CEP128: variants seen among roughly 807,000 people sequenced by gnomAD.
CEP128 encodes the protein centrosomal protein 128, also known as centrosomal protein 128kDa.
A neutral mutation model predicts 156.7 loss-of-function variants in CEP128; 132 were observed. The observed-to-expected ratio is 0.84, with a 90% confidence interval of 0.73 to 0.97. The LOEUF (loss-of-function observed/expected upper bound fraction) is 0.97. Ranked by LOEUF, CEP128 falls within the 50% of genes least tolerant of loss-of-function variation. The pLI is 0.00. For missense variants in CEP128, 1,252 were observed against 1,281.9 expected (o/e 0.98, Z 0.36); for synonymous variants, 469 against 448.9 (o/e 1.04, Z -0.57).
chr14:80,536,725 C>T (rs1889500474), intron 21 of CEP128, among the ~76,000 whole-genome samples: 2 of 152,152 alleles, frequency 1.3e-5, no homozygotes, highest in South Asian at 4.1e-4. Flanking sequence ...TGGAACCACA[C>T]CAAACAGTAG....
At chr14:80,911,701 G>A (rs1335793405) in intron 4 of CEP128, among the ~76,000 whole-genome samples, 2 of 152,114 alleles carry the variant, frequency 1.3e-5, no homozygotes, top group Non-Finnish European at 2.9e-5. Context: ...GATGATCTAT[G>A]TAAAATAATT....
chr14:80,956,042 A>G lies in CEP128; in HGVS notation c.-172+2136T>C, dbSNP rs951230656. The stretch of plus-strand genomic sequence containing the variant: ...AATCGCCCACACTTGGGAAGGTATC[A>G]TTGTTGACATCCTCATTCCCAACAC... On this transcript the variant is annotated intron_variant, in intron 2 of 7. Coordinates refer to the CEP128 transcript ENST00000555529. 1.1e-4 allele frequency: 75 copies of G among 674,512 alleles called. No homozygotes were observed. In the Middle Eastern group the frequency reaches 1.6e-3, roughly 14 times the overall value. 41.8% of individuals were successfully genotyped at this position (674,512 alleles called of 1,614,324 possible).
chr14:80,493,991 G>A (rs1456103975), downstream of CEP128, among the ~76,000 whole-genome samples: 1 of 152,134 alleles, frequency 6.6e-6, no homozygotes, highest in Non-Finnish European at 1.5e-5. Flanking sequence ...GCTTTTCCAT[G>A]TAAGCATTTC....
chr14:80,661,440 G>C (rs1484223468), intron 19 of CEP128, among the ~76,000 whole-genome samples: 1 of 152,136 alleles, frequency 6.6e-6, no homozygotes, highest in African/African-American at 2.4e-5. Context: ...CTTAGGTAAT[G>C]AATCTTTTTA....
intron 23 of CEP128, among the ~76,000 whole-genome samples, chr14:80,525,036 T>C (rs919091148): frequency 6.6e-6 from 1 of 152,184 alleles, no homozygotes; most frequent in Admixed American, 6.5e-5. Context: ...CATTGATTTA[T>C]AGCAATTTGG....
chr14:80,552,200 T>C (rs564720860), intron 21 of CEP128, among the ~76,000 whole-genome samples: 1 of 152,160 alleles, frequency 6.6e-6, no homozygotes, highest in African/African-American at 2.4e-5. Context: ...TCCCAGCTAC[T>C]TGGGAGGCTG....
chr14:80,909,171 C>T (rs1211809517), intron 4 of CEP128, among the ~76,000 whole-genome samples: 1 of 152,018 alleles, frequency 6.6e-6, no homozygotes, highest in Non-Finnish European at 1.5e-5. Flanking sequence ...TTCCTCACTG[C>T]CTTAGTAGTT....
intron 2 of CEP128, among the ~76,000 whole-genome samples, chr14:80,923,432 G>A (rs1468201608): frequency 2.0e-5 from 3 of 152,194 alleles, no homozygotes; most frequent in African/African-American, 7.2e-5. Flanking sequence ...TTATAATGAT[G>A]CACATTTGTA....
intron 18 of CEP128, among the ~76,000 whole-genome samples, chr14:80,743,500 C>A (rs1420966110): frequency 6.6e-6 from 1 of 152,060 alleles, no homozygotes; most frequent in African/African-American, 2.4e-5. Flanking sequence ...TTTGTGTCAT[C>A]TTTAGAAAGA....
At chr14:80,826,105 C>CAAAAAA (rs397700906) in intron 13 of CEP128, among the ~76,000 whole-genome samples, 1 of 70,490 alleles carries the variant, frequency 1.4e-5, no homozygotes, top group Non-Finnish European at 3.0e-5. Flanking sequence ...GATTCTGTCT[C>CAAAAAA]AAAAAAAAAA....
upstream of CEP128, among the ~76,000 whole-genome samples, chr14:80,946,329 TGA>T (rs1886343194): frequency 1.5e-5 from 1 of 65,402 alleles, no homozygotes; most frequent in African/African-American, 5.9e-5. Context: ...TGATGCATCA[TGA>T]TGATGCCTCA....
intron 21 of CEP128, among the ~76,000 whole-genome samples, chr14:80,548,269 T>C (rs1175185647): frequency 2.6e-5 from 4 of 152,170 alleles, no homozygotes; most frequent in Admixed American, 6.5e-5. Context: ...CTATTTTTTC[T>C]CATATCACTT....
chr14:80,880,483 CA>C (rs1009117525), intron 8 of CEP128, among the ~76,000 whole-genome samples: 4 of 151,702 alleles, frequency 2.6e-5, no homozygotes, highest in Non-Finnish European at 5.9e-5. Context: ...AACAATCAGA[CA>C]AAAAAAGAAA....
At chr14:80,562,093 A>AT (rs1890707703) in intron 20 of CEP128, among the ~76,000 whole-genome samples, 5 of 99,502 alleles carry the variant, frequency 5.0e-5, no homozygotes, top group Admixed American at 3.6e-4. Flanking sequence ...ACATCCGGCT[A>AT]ATTTTTTTAT....
At chr14:80,770,651 G>A (rs1199328996) in intron 16 of CEP128, among the ~76,000 whole-genome samples, 2 of 152,038 alleles carry the variant, frequency 1.3e-5, no homozygotes, top group Non-Finnish European at 2.9e-5. Context: ...AAGAAGATGG[G>A]AATCTTACAG....
Position 80,836,224 on chromosome 14 carries a change from C to G in CEP128, c.1038G>C (p.Glu346Asp), listed in dbSNP as rs773762234. ...QQSNYQDEQG[E>D]DWRFRRGVER... is the part of the protein sequence containing the mutation. The stretch of plus-strand genomic sequence containing the variant: ...TTTTACCTCTCCTAAATCTCCAGTC[C>G]TCCCCTTGTTCATCCTGATAGTTTG... The change falls in exon 12 of 25, where the codon GAG (glutamate) becomes GAC (aspartate). Residue 346 changes from glutamate (E) to aspartate (D), a missense_variant. Coordinates refer to ENST00000555265, the MANE Select transcript of CEP128 (RefSeq NM_152446.5). 2.4e-5 allele frequency: 38 copies of G among 1,613,972 alleles called. No individual in the cohort carries two copies. The highest frequency in any genetic ancestry group is 3.2e-5 in the Non-Finnish European group (38 of 1,179,866).
chr14:80,633,845 T>C (rs1031892508), intron 19 of CEP128, among the ~76,000 whole-genome samples: 7 of 152,200 alleles, frequency 4.6e-5, no homozygotes, highest in Non-Finnish European at 7.3e-5. Flanking sequence ...CCATCCATTC[T>C]TGGTATTAAA....
chr14:80,539,511 T>A (rs1889642940), intron 21 of CEP128, among the ~76,000 whole-genome samples: 1 of 152,214 alleles, frequency 6.6e-6, no homozygotes, highest in South Asian at 2.1e-4. Flanking sequence ...AATCTCTTAA[T>A]CCCATTATCT....
intron 19 of CEP128, among the ~76,000 whole-genome samples, chr14:80,657,898 A>G (rs897243606): frequency 1.3e-5 from 2 of 152,338 alleles, no homozygotes; most frequent in East Asian, 3.9e-4. Context: ...TGTTAGCAGG[A>G]TACTAAAATG....
Sources: gnomAD v4.1 joint callset for allele counts (sites outside exome capture counted in the v4.1 genomes callset) on GRCh38, gnomAD v4.1.1 for gene constraint, MANE v1.5 for transcripts, NCBI Gene and HGNC (gene_info 2026-07-23, HGNC 2026-07-21) for gene names.